The following COL15A1 variants were observed in gnomAD, a reference collection of about 807,000 sequenced individuals.
The protein encoded by COL15A1 is collagen alpha-1(XV) chain.
In COL15A1, 111 loss-of-function variants were observed where a neutral mutation model predicts 165.9. The ratio of observed to expected loss-of-function variants is 0.67; its 90% CI spans 0.57 to 0.78. The LOEUF is 0.78. Ranked by LOEUF, COL15A1 falls within the 30% of genes least tolerant of loss-of-function variation. The probability of loss-of-function intolerance (pLI) is 0.00; values close to 1 mark genes in which losing one functional copy is unlikely to be tolerated. For synonymous variants in COL15A1, 659 were observed against 674.8 expected, an observed-to-expected ratio of 0.98 and a Z score of 0.36; for missense variants, 1,745 against 1,789.7, an observed-to-expected ratio of 0.98 and a Z score of 0.45.
intron 5 of COL15A1, among the ~76,000 whole-genome samples, chr9:98,992,163 G>A (rs549768828): frequency 1.1e-4 from 17 of 152,384 alleles, no homozygotes; most frequent in Admixed American, 5.2e-4. Context: ...AGCAGGGGGC[G>A]GTCCCCGTCA....
At chr9:99,052,897 G>C (rs1172645101) in intron 31 of COL15A1, among the ~76,000 whole-genome samples, 2 of 152,216 alleles carry the variant, frequency 1.3e-5, no homozygotes, top group African/African-American at 4.8e-5. Context: ...CCTTGCCTCG[G>C]TGTCCATGCA....
intron 2 of COL15A1, among the ~76,000 whole-genome samples, chr9:98,949,787 A>G (rs1315735118): frequency 6.6e-6 from 1 of 152,196 alleles, no homozygotes; most frequent in Non-Finnish European, 1.5e-5. Context: ...TCAAGTTCCA[A>G]AACATTTTCA....
chr9:98,985,539 C>A, intron 2 of COL15A1, 26 bp from the exon 3 acceptor site: 1 of 1,592,730 alleles, frequency 6.3e-7, no homozygotes, highest in Non-Finnish European at 8.6e-7. Flanking sequence ...ACCTGTAAAG[C>A]GTGGCCTCTC....
At chr9:98,990,802 T>C (rs1838407492) in intron 5 of COL15A1, among the ~76,000 whole-genome samples, 1 of 152,212 alleles carries the variant, frequency 6.6e-6, no homozygotes, top group African/African-American at 2.4e-5. Flanking sequence ...TACCTGGTGC[T>C]ATTGTGTCTG....
chr9:98,994,251 G>T (rs1838504944), intron 5 of COL15A1, among the ~76,000 whole-genome samples: 1 of 152,086 alleles, frequency 6.6e-6, no homozygotes, highest in Non-Finnish European at 1.5e-5. Context: ...AATCTGTATT[G>T]ACAAAAAGCT....
At chr9:98,996,910 G>T in intron 5 of COL15A1, 24 bp from the exon 6 acceptor site, 1 of 1,608,732 alleles carries the variant, frequency 6.2e-7, no homozygotes, top group Non-Finnish European at 8.5e-7. Context: ...AAATCATTTT[G>T]CATCTCATTT....
At chr9:99,022,261 C>A in intron 13 of COL15A1, 111 bp downstream of exon 13, 3 of 1,376,602 alleles carry the variant, frequency 2.2e-6, no homozygotes, top group South Asian at 2.4e-5. Context: ...ATCTTGCAGT[C>A]AGACCCTAGG....
chr9:99,057,185 T>C (rs774612381), intron 35 of COL15A1, among the ~76,000 whole-genome samples: 2 of 152,142 alleles, frequency 1.3e-5, no homozygotes, highest in Non-Finnish European at 2.9e-5. Context: ...TATGAGGGGG[T>C]TCCAATTTCT....
At chr9:98,999,433 C>G (rs1349757218) in intron 6 of COL15A1, among the ~76,000 whole-genome samples, 1 of 151,872 alleles carries the variant, frequency 6.6e-6, no homozygotes, top group East Asian at 1.9e-4. Flanking sequence ...AGGAGGGTTG[C>G]TGGAGGGAGT....
At chr9:99,021,126 G>A (rs1004782675) in intron 12 of COL15A1, among the ~76,000 whole-genome samples, 1 of 152,206 alleles carries the variant, frequency 6.6e-6, no homozygotes, top group African/African-American at 2.4e-5. Context: ...TCTGGCCATA[G>A]GCAGCAGCTT....
chr9:98,985,150 A>G (rs1032337620), intron 2 of COL15A1, among the ~76,000 whole-genome samples: 7 of 152,204 alleles, frequency 4.6e-5, no homozygotes, highest in African/African-American at 1.7e-4. Flanking sequence ...TGAACATTAT[A>G]TATTCTAGGG....
At chr9:99,060,145 A>G (rs1418459291) in intron 36 of COL15A1, among the ~76,000 whole-genome samples, 192 bp downstream of exon 36, 1 of 151,810 alleles carries the variant, frequency 6.6e-6, no homozygotes, top group Admixed American at 6.6e-5. Flanking sequence ...AAGACGTGAA[A>G]AAACAAAATC....
At position 99,069,747 on chromosome 9, in the gene COL15A1, G is replaced by C. The variant is rs556845594; in HGVS notation, c.4028G>C (p.Arg1343Pro). The C allele has an allele frequency of 6.2e-7, 1 of 1,614,222 alleles. No individual in the cohort carries two copies. Among genetic ancestry groups the C allele is most frequent in the African/African-American group, 1.3e-5 (1 of 75,066 alleles). ...GTGGATAACTACTGTGAAGCATGGC[G>C]AACCGCGGACACAGCGGTCACGGGA... ...RLVDNYCEAW[R>P]TADTAVTGLA... Residue 1343 changes from arginine (R) to proline (P), a missense_variant, in exon 42 of 42, where the codon CGA (arginine) becomes CCA (proline). By Grantham distance (103) the Arg-to-Pro change is moderately radical (BLOSUM62 -2). Transcript: ENST00000375001.
At chr9:99,038,760 G>C in intron 22 of COL15A1, 27 bp downstream of exon 22, 1 of 1,503,848 alleles carries the variant, frequency 6.6e-7, no homozygotes, top group Non-Finnish European at 9.3e-7. Context: ...GCCCCAGAAT[G>C]TGGCTTTTAC....
At chr9:98,983,508 G>C (rs535328305) in intron 2 of COL15A1, among the ~76,000 whole-genome samples, 1 of 152,284 alleles carries the variant, frequency 6.6e-6, no homozygotes, top group East Asian at 1.9e-4. Context: ...CTTCCCAAGG[G>C]ATAAGAGCAG....
At chr9:99,027,745 T>A (rs1469228017) in intron 16 of COL15A1, among the ~76,000 whole-genome samples, 1 of 152,228 alleles carries the variant, frequency 6.6e-6, no homozygotes, top group Non-Finnish European at 1.5e-5. Context: ...CATCTCAATT[T>A]GTTGCACTGT....
chr9:99,015,633 T>A (rs1838919604), intron 10 of COL15A1, 67 bp downstream of exon 10: 2 of 1,507,964 alleles, frequency 1.3e-6, no homozygotes, highest in Non-Finnish European at 1.8e-6. Flanking sequence ...GCGACAACAG[T>A]CATCCTTGGC....
At position 99,044,841 on chromosome 9, in the gene COL15A1, G is replaced by C. The variant is rs1839469580; in HGVS notation, c.2679+71G>C. 13 of 1,388,760 alleles carry C rather than the reference G, an allele frequency of 9.4e-6. No homozygotes were observed. In the South Asian group the frequency reaches 1.5e-4, roughly 16 times the overall value. 86.0% of individuals were successfully genotyped at this position (1,388,760 alleles called of 1,614,324 possible). Reference sequence around the variant, plus strand: ...CATTTTTCATACTTTGATTTGGTTAGATTTAGTTGTCCCGGTTATGAAAAT... The same window carrying C: ...CATTTTTCATACTTTGATTTGGTTACATTTAGTTGTCCCGGTTATGAAAAT... On this transcript the variant is annotated intron_variant, in intron 26 of 41. Coordinates refer to ENST00000375001, the MANE Select transcript of COL15A1 (RefSeq NM_001855.5).
chr9:98,946,393 T>C (rs1437219402), intron 2 of COL15A1, among the ~76,000 whole-genome samples: 1 of 152,020 alleles, frequency 6.6e-6, no homozygotes, highest in Non-Finnish European at 1.5e-5. Flanking sequence ...GCTTTAGGGG[T>C]TCCATGGTCT....
Sources: gnomAD v4.1 joint callset for allele counts (sites outside exome capture counted in the v4.1 genomes callset) on GRCh38, gnomAD v4.1.1 for gene constraint, MANE v1.5 for transcripts, NCBI Gene and HGNC (gene_info 2026-07-23, HGNC 2026-07-21) for gene names.